The following CCDC148 variants were observed in gnomAD, a reference collection of about 807,000 sequenced individuals.
The protein encoded by CCDC148 is coiled-coil domain containing 148.
Under a neutral mutation model 85.7 loss-of-function variants are expected in CCDC148, and 89 were observed. The ratio of observed to expected loss-of-function variants is 1.04; its 90% CI spans 0.87 to 1.24. CCDC148 has a LOEUF of 1.24. CCDC148 is among the 50% of genes most tolerant of loss of function. The probability of loss-of-function intolerance (pLI) is 0.00; values close to 1 mark genes in which losing one functional copy is unlikely to be tolerated. For missense variants in CCDC148, 692 were observed against 671.7 expected, an observed-to-expected ratio of 1.03 and a Z score of -0.33; for synonymous variants, 230 against 213.9, an observed-to-expected ratio of 1.08 and a Z score of -0.66.
rs76636317 is a variant in CCDC148, at chr2:158,391,622, A to G, written c.26-33052T>C. 4.3e-3 allele frequency among the ~76,000 whole-genome samples: 653 copies of G among 152,280 alleles called. 1 individual carries two copies. Among genetic ancestry groups the G allele is most frequent in the Middle Eastern group, 0.017 (5 of 294 alleles). On this transcript the variant is annotated intron_variant, in intron 1 of 13. Transcript: ENST00000283233. Reference sequence around the variant, plus strand: ...GATCCCTCTATTAGGAACCCACAACATCCAAGGATAAGTAATTCTTAAATA... The same window carrying G: ...GATCCCTCTATTAGGAACCCACAACGTCCAAGGATAAGTAATTCTTAAATA...
chr2:158,257,064 T>C (rs553901896), intron 9 of CCDC148, among the ~76,000 whole-genome samples: 1 of 151,698 alleles, frequency 6.6e-6, no homozygotes, highest in African/African-American at 2.4e-5. Context: ...CTCTTCTGCC[T>C]CTTGCATTGA....
At chr2:158,390,691 G>A (rs76137165) in intron 1 of CCDC148, among the ~76,000 whole-genome samples, 8,293 of 152,216 alleles carry the variant, frequency 0.054, 429 homozygotes, top group African/African-American at 0.13. Context: ...AAGCCAACAT[G>A]CTGAGAGATG....
At chr2:158,336,098 A>G (rs570226975) in intron 7 of CCDC148, among the ~76,000 whole-genome samples, 2 of 152,296 alleles carry the variant, frequency 1.3e-5, no homozygotes, top group Admixed American at 1.3e-4. Flanking sequence ...ACATACATGA[A>G]CACAATCTAT....
intron 7 of CCDC148, among the ~76,000 whole-genome samples, chr2:158,323,832 A>C (rs1420179616): frequency 1.3e-5 from 2 of 151,762 alleles, no homozygotes; most frequent in Non-Finnish European, 2.9e-5. Context: ...CCTTTAACTT[A>C]GATTTTTAAA....
intron 9 of CCDC148, among the ~76,000 whole-genome samples, chr2:158,300,485 A>C (rs1691390576): frequency 6.6e-6 from 1 of 152,118 alleles, no homozygotes; most frequent in Non-Finnish European, 1.5e-5. Context: ...GAGTGTATTG[A>C]CTCTAGTCAG....
intron 7 of CCDC148, among the ~76,000 whole-genome samples, chr2:158,335,555 C>G (rs1682332506): frequency 6.6e-6 from 1 of 152,086 alleles, no homozygotes; most frequent in African/African-American, 2.4e-5. Context: ...GGAACAAAGT[C>G]ACATCTTACA....
At chr2:158,439,186 T>C (rs1023072802) in intron 1 of CCDC148, among the ~76,000 whole-genome samples, 1 of 152,242 alleles carries the variant, frequency 6.6e-6, no homozygotes, top group Non-Finnish European at 1.5e-5. Context: ...TGTATGTTTA[T>C]TGTGGCACTA....
intron 11 of CCDC148, among the ~76,000 whole-genome samples, chr2:158,187,616 A>C (rs572441333): frequency 6.6e-6 from 1 of 152,048 alleles, no homozygotes; most frequent in African/African-American, 2.4e-5. Flanking sequence ...GAGCTCCTTC[A>C]ATGTGACCTG....
chr2:158,294,002 CTCCTTCCTTCCTTCCTTCCTTCCTTCCT>C (rs1185894027), intron 9 of CCDC148, among the ~76,000 whole-genome samples: 189 of 15,218 alleles, frequency 0.012, 19 homozygotes, highest in African/African-American at 0.051. Context: ...CCCTCCCTCC[CTCCTTCCTTCCTTCCTTCCTTCCTTCCT>C]TCCTTCCTTC....
intron 10 of CCDC148, among the ~76,000 whole-genome samples, chr2:158,250,469 T>C (rs1303442774): frequency 6.6e-6 from 1 of 151,090 alleles, no homozygotes; most frequent in East Asian, 2.0e-4. Flanking sequence ...TTTTGCCACG[T>C]CCCTATTTAT....
At chr2:158,414,873 C>T (rs952375614) in intron 1 of CCDC148, among the ~76,000 whole-genome samples, 2 of 152,024 alleles carry the variant, frequency 1.3e-5, no homozygotes, top group Non-Finnish European at 2.9e-5. Context: ...TAGGTACATC[C>T]AAACCCTGTG....
chr2:158,382,720 C>A (rs1684924636), intron 1 of CCDC148, among the ~76,000 whole-genome samples: 1 of 151,320 alleles, frequency 6.6e-6, no homozygotes, highest in Admixed American at 6.6e-5. Context: ...ACCAGCCTGG[C>A]CAACATGGTA....
chr2:158,332,764 G>T (rs1172889301), intron 7 of CCDC148, among the ~76,000 whole-genome samples: 1 of 151,818 alleles, frequency 6.6e-6, no homozygotes. Flanking sequence ...GACTTCAGAG[G>T]GTGTATTTGT....
At chr2:158,353,405 A>G (rs1467954304) in intron 2 of CCDC148, among the ~76,000 whole-genome samples, 1 of 150,768 alleles carries the variant, frequency 6.6e-6, no homozygotes, top group Non-Finnish European at 1.5e-5. Context: ...ATGGAAAACA[A>G]AAAAAGGCAG....
chr2:158,432,435 T>C (rs959083535), intron 1 of CCDC148, among the ~76,000 whole-genome samples: 3 of 152,040 alleles, frequency 2.0e-5, no homozygotes, highest in Non-Finnish European at 4.4e-5. Flanking sequence ...GCAAAAGATA[T>C]ACCACAAAAA....
chr2:158,252,770 C>T (rs576230535), intron 9 of CCDC148, among the ~76,000 whole-genome samples: 18 of 151,802 alleles, frequency 1.2e-4, no homozygotes, highest in African/African-American at 4.1e-4. Flanking sequence ...GTGCTTATCC[C>T]CTTCTAGGAG....
chr2:158,404,525 AAC>A (rs1370249763), intron 1 of CCDC148, among the ~76,000 whole-genome samples: 1 of 152,140 alleles, frequency 6.6e-6, no homozygotes, highest in East Asian at 1.9e-4. Context: ...TCTAAATTTA[AAC>A]AGTTCAAACT....
intron 9 of CCDC148, among the ~76,000 whole-genome samples, chr2:158,286,576 G>T (rs947896102): frequency 3.9e-5 from 6 of 152,164 alleles, no homozygotes; most frequent in African/African-American, 7.2e-5. Context: ...AACAAGGTAG[G>T]AGGGCATTTT....
intron 7 of CCDC148, among the ~76,000 whole-genome samples, chr2:158,319,022 T>A (rs139115688): frequency 1.3e-5 from 2 of 152,238 alleles, no homozygotes; most frequent in East Asian, 3.9e-4. Context: ...CACCTCGGCC[T>A]CCCAAAGTGC....
Sources: allele counts gnomAD v4.1 joint callset (sites outside exome capture counted in the v4.1 genomes callset), GRCh38; gene constraint gnomAD v4.1.1; transcripts MANE v1.5; gene names NCBI Gene and HGNC (gene_info 2026-07-23, HGNC 2026-07-21).